The following CCNY variants were observed in gnomAD, a reference collection of about 807,000 sequenced individuals.
CCNY encodes the protein cyclin Y.
CCNY carries 19 observed loss-of-function variants against 42.8 expected under a neutral mutation model. The ratio of observed to expected loss-of-function variants is 0.44; its 90% CI spans 0.31 to 0.65. The LOEUF (loss-of-function observed/expected upper bound fraction) is 0.65, where lower values mean the gene tolerates loss of function less well. Ranked by LOEUF, CCNY falls within the 30% of genes least tolerant of loss-of-function variation. CCNY has a pLI of 0.07. For missense variants in CCNY, 370 were observed against 437.3 expected, an observed-to-expected ratio of 0.85 and a Z score of 1.37; for synonymous variants, 165 against 162.7, an observed-to-expected ratio of 1.01 and a Z score of -0.11.
chr10:35,296,521 C>T (rs781514118), intron 3 of CCNY, among the ~76,000 whole-genome samples: 14 of 152,032 alleles, frequency 9.2e-5, no homozygotes, highest in Non-Finnish European at 2.1e-4. Context: ...GCAGAGGTTG[C>T]AGTGAGCCAA....
chr10:35,373,251 A>C (rs1268204413), intron 1 of CCNY, among the ~76,000 whole-genome samples: 1 of 152,112 alleles, frequency 6.6e-6, no homozygotes, highest in African/African-American at 2.4e-5. Flanking sequence ...AATGAAACCT[A>C]CTTCTTAGGG....
chr10:35,397,416 C>T (rs189624370), intron 1 of CCNY, among the ~76,000 whole-genome samples: 1 of 152,208 alleles, frequency 6.6e-6, no homozygotes, highest in Non-Finnish European at 1.5e-5. Context: ...TTCCTTCCCC[C>T]CTTATCTCTG....
At chr10:35,257,264 CCCTTTCTTTTTTT>C (rs1370795048) in intron 3 of CCNY, among the ~76,000 whole-genome samples, 2 of 131,374 alleles carry the variant, frequency 1.5e-5, no homozygotes, top group African/African-American at 5.7e-5. Context: ...CTCTCTTTCT[CCCTTTCTTTTTTT>C]CCTTTCTTTC....
intron 1 of CCNY, among the ~76,000 whole-genome samples, chr10:35,367,387 C>T (rs961255100): frequency 6.6e-6 from 1 of 152,162 alleles, no homozygotes; most frequent in Admixed American, 6.5e-5. Context: ...GTAAAAATGT[C>T]TACCTTGTAG....
chr10:35,497,970 T>C (rs1840034801), intron 2 of CCNY, among the ~76,000 whole-genome samples: 1 of 152,088 alleles, frequency 6.6e-6, no homozygotes, highest in Non-Finnish European at 1.5e-5. Context: ...CACTGCTTTA[T>C]GGGGGTCCAG....
intron 3 of CCNY, among the ~76,000 whole-genome samples, chr10:35,267,426 ACT>A (rs2095726673): frequency 6.6e-6 from 1 of 151,964 alleles, no homozygotes; most frequent in Non-Finnish European, 1.5e-5. Flanking sequence ...ATGCTCAAAC[ACT>A]CTGGGGCTGG....
At chr10:35,449,102 T>C (rs542749779) in intron 1 of CCNY, among the ~76,000 whole-genome samples, 18 of 151,998 alleles carry the variant, frequency 1.2e-4, no homozygotes, top group African/African-American at 4.3e-4. Context: ...ACAGGGGAGC[T>C]GAACGGGCAG....
chr10:35,300,775 C>G (rs1395347941), intron 3 of CCNY, among the ~76,000 whole-genome samples: 2 of 151,982 alleles, frequency 1.3e-5, no homozygotes, highest in Non-Finnish European at 2.9e-5. Context: ...ATTATTTATT[C>G]AAGCTAGTAT....
chr10:35,439,550 AGTGTGT>A (rs140918740), intron 1 of CCNY, among the ~76,000 whole-genome samples: 7 of 142,776 alleles, frequency 4.9e-5, no homozygotes, highest in Admixed American at 1.4e-4. Flanking sequence ...TTTTGTTTCA[AGTGTGT>A]GTGTGTGTGT....
At chr10:35,367,351 A>G (rs2135167150) in intron 1 of CCNY, among the ~76,000 whole-genome samples, 1 of 152,268 alleles carries the variant, frequency 6.6e-6, no homozygotes, top group African/African-American at 2.4e-5. Flanking sequence ...CCTGGTGCCT[A>G]TCTTCCTTCT....
intron 1 of CCNY, among the ~76,000 whole-genome samples, chr10:35,401,725 C>T (rs942359926): frequency 1.3e-5 from 2 of 151,876 alleles, no homozygotes; most frequent in Non-Finnish European, 2.9e-5. Context: ...ATCATTAGTT[C>T]TTATAGGTTT....
At chr10:35,439,836 C>G (rs1838626643) in intron 1 of CCNY, among the ~76,000 whole-genome samples, 1 of 152,062 alleles carries the variant, frequency 6.6e-6, no homozygotes, top group Non-Finnish European at 1.5e-5. Flanking sequence ...CAGGTGGAGA[C>G]AGAAGTTCAG....
intron 1 of CCNY, among the ~76,000 whole-genome samples, chr10:35,384,017 C>G (rs1837249721): frequency 6.6e-6 from 1 of 152,040 alleles, no homozygotes; most frequent in African/African-American, 2.4e-5. Context: ...CTGTTAAACA[C>G]ATTTTCTGAT....
At chr10:35,552,626 T>C (rs1841283077) in intron 7 of CCNY, among the ~76,000 whole-genome samples, 1 of 152,224 alleles carries the variant, frequency 6.6e-6, no homozygotes, top group African/African-American at 2.4e-5. Flanking sequence ...TCTATAGTTA[T>C]CTCAAAACAA....
Position 35,568,035 on chromosome 10 carries a change from C to T in CCNY, c.910-1019C>T, listed in dbSNP as rs189770159. ...CTGTGCTGTGGTCCCTGGTCCCCCT[C>T]GTCACCAGCTATGGCTCTAGTGGCT... On this transcript the variant is annotated intron_variant, in intron 9 of 9. Transcript: ENST00000374704. Among the ~76,000 whole-genome samples, 5 of 152,312 alleles carry T rather than the reference C, an allele frequency of 3.3e-5. No homozygotes were observed. The East Asian group carries it at 9.6e-4, about 29-fold the overall frequency.
In CCNY at chr10:35,414,364, T is replaced by C. The variant is rs568620050; in HGVS notation, c.155-69040T>C. 1.0e-3 allele frequency among the ~76,000 whole-genome samples: 153 copies of C among 152,364 alleles called. 1 individual carries two copies. The highest frequency in any genetic ancestry group is 3.6e-3 in the African/African-American group (148 of 41,600). On this transcript the variant is annotated intron_variant, in intron 1 of 9. Transcript: ENST00000374704. ...GAGACTGAGGGCCACAGTTCCTTGC[T>C]GGCTGCTGGCTGGAGGCTGCCCCAC...
At chr10:35,417,833 GT>G (rs1279599549) in intron 1 of CCNY, among the ~76,000 whole-genome samples, 1 of 152,162 alleles carries the variant, frequency 6.6e-6, no homozygotes, top group African/African-American at 2.4e-5. Flanking sequence ...CTGTCTCTGG[GT>G]TGACAGAATT....
At chr10:35,279,407 C>T (rs942609652) in intron 3 of CCNY, among the ~76,000 whole-genome samples, 2 of 152,144 alleles carry the variant, frequency 1.3e-5, no homozygotes, top group East Asian at 3.9e-4. Flanking sequence ...AGCCACTGCT[C>T]CTGGTCATGC....
intron 3 of CCNY, among the ~76,000 whole-genome samples, chr10:35,273,979 C>T (rs1835205749): frequency 6.6e-6 from 1 of 152,166 alleles, no homozygotes; most frequent in South Asian, 2.1e-4. Context: ...AGCAGCATTC[C>T]CAAGTGTGGA....
Sources: gnomAD v4.1 joint callset for allele counts (sites outside exome capture counted in the v4.1 genomes callset) on GRCh38, gnomAD v4.1.1 for gene constraint, MANE v1.5 for transcripts, NCBI Gene and HGNC (gene_info 2026-07-23, HGNC 2026-07-21) for gene names.